Variants in CLIC4 observed in about 807,000 individuals in gnomAD.
CLIC4 encodes the protein chloride intracellular channel protein 4.
A neutral mutation model predicts 24.6 loss-of-function variants in CLIC4; 13 were observed. The ratio of observed to expected loss-of-function variants is 0.53; its 90% CI spans 0.34 to 0.84. The LOEUF is 0.84. CLIC4 is among the 40% of genes least tolerant of loss of function. The pLI is 0.01. For missense variants in CLIC4, 227 were observed against 301.7 expected (o/e 0.75, Z 1.83); for synonymous variants, 104 against 111.3 (o/e 0.93, Z 0.41).
chr1:24,809,033 G>T (rs1194005712), intron 2 of CLIC4, among the ~76,000 whole-genome samples: 1 of 152,104 alleles, frequency 6.6e-6, no homozygotes, highest in Non-Finnish European at 1.5e-5. Context: ...CTGAACCCAT[G>T]AATAAGGAGG....
At chr1:24,837,788 C>T (rs778904262) in intron 4 of CLIC4, among the ~76,000 whole-genome samples, 3 of 152,154 alleles carry the variant, frequency 2.0e-5, no homozygotes, top group Non-Finnish European at 4.4e-5. Context: ...ACCAGGCAGG[C>T]GGATCACTTG....
intron 1 of CLIC4, among the ~76,000 whole-genome samples, chr1:24,785,591 C>T (rs566199324): frequency 5.3e-5 from 8 of 152,236 alleles, no homozygotes; most frequent in African/African-American, 1.2e-4. Context: ...CGGCGGCTCA[C>T]GCCTGTAGTC....
chr1:24,782,629 A>C (rs898429470), intron 1 of CLIC4, among the ~76,000 whole-genome samples: 3 of 152,180 alleles, frequency 2.0e-5, no homozygotes, highest in Non-Finnish European at 4.4e-5. Context: ...CTGAAGTGGA[A>C]ACTAGATTAA....
chr1:24,823,761 C>G (rs1639758713), intron 3 of CLIC4, among the ~76,000 whole-genome samples: 1 of 80,754 alleles, frequency 1.2e-5, no homozygotes, highest in Non-Finnish European at 2.4e-5. Flanking sequence ...ACAATAAGAG[C>G]AAAACTCTGT....
intron 3 of CLIC4, among the ~76,000 whole-genome samples, chr1:24,815,669 A>G (rs1297286946): frequency 1.3e-5 from 2 of 152,158 alleles, no homozygotes; most frequent in African/African-American, 4.8e-5. Flanking sequence ...GATAACAATG[A>G]ATTTTTCTAC....
In CLIC4 at chr1:24,831,123, G is replaced by A. The variant is rs926491604; in HGVS notation, c.415+4007G>A. On this transcript the variant is annotated intron_variant, in intron 4 of 5. Coordinates refer to ENST00000374379, the MANE Select transcript of CLIC4 (RefSeq NM_013943.3). Reference sequence around the variant, plus strand: ...TTAACTATGAAAAATTACTAACACCGTAGTCAGGTATAGCAATTCGACTTC... The same window carrying A: ...TTAACTATGAAAAATTACTAACACCATAGTCAGGTATAGCAATTCGACTTC... Among the ~76,000 whole-genome samples, 8 of 152,100 alleles carry A rather than the reference G, an allele frequency of 5.3e-5. No homozygotes were observed. The East Asian group carries it at 1.2e-3, about 22-fold the overall frequency.
In CLIC4 at chr1:24,764,656, G is replaced by A. The variant is rs1638970641; in HGVS notation, c.72+19031G>A. On this transcript the variant is annotated intron_variant, in intron 1 of 5. Transcript: ENST00000374379. ...GCGACAGAGCAAGACCCTATCTCAA[G>A]GGAAAAAAAAAAAAATTCATACTCT... Among the ~76,000 whole-genome samples, 4 of 149,854 alleles carry A rather than the reference G, an allele frequency of 2.7e-5. No homozygotes were observed. In the South Asian group the frequency reaches 8.4e-4, roughly 31 times the overall value.
At chr1:24,812,474 C>G (rs1639623623) in intron 2 of CLIC4, among the ~76,000 whole-genome samples, 2 of 152,054 alleles carry the variant, frequency 1.3e-5, no homozygotes, top group South Asian at 4.2e-4. Context: ...CATGACTTAC[C>G]CATCTTTACA....
chr1:24,815,363 G>C (rs182689351), intron 3 of CLIC4, among the ~76,000 whole-genome samples: 5 of 152,088 alleles, frequency 3.3e-5, no homozygotes, highest in African/African-American at 1.2e-4. Flanking sequence ...TTAGCTGGGC[G>C]TGGTGGCAGG....
chr1:24,773,316 A>G (rs775252878), intron 1 of CLIC4, among the ~76,000 whole-genome samples: 10 of 152,168 alleles, frequency 6.6e-5, no homozygotes, highest in Non-Finnish European at 1.3e-4. Flanking sequence ...TTAAGCATAG[A>G]TGGGGAAGAA....
intron 1 of CLIC4, among the ~76,000 whole-genome samples, chr1:24,792,639 A>G (rs1489090299): frequency 6.6e-6 from 1 of 152,154 alleles, no homozygotes; most frequent in Non-Finnish European, 1.5e-5. Context: ...AGTGGTTAGT[A>G]AAAAAGGGAC....
chr1:24,823,073 T>G (rs1639751164), intron 3 of CLIC4, among the ~76,000 whole-genome samples: 1 of 152,194 alleles, frequency 6.6e-6, no homozygotes, highest in Non-Finnish European at 1.5e-5. Context: ...AATCTAGCAT[T>G]TCTAATAACA....
intron 2 of CLIC4, 67 bp from the exon 3 acceptor site, chr1:24,814,027 A>C: frequency 6.3e-7 from 1 of 1,598,092 alleles, no homozygotes; most frequent in Non-Finnish European, 8.6e-7. Context: ...AACTTTGAGA[A>C]TTTAAAGTAT....
chr1:24,775,090 T>G (rs1557799395), intron 1 of CLIC4, among the ~76,000 whole-genome samples: 1 of 151,612 alleles, frequency 6.6e-6, no homozygotes, highest in Non-Finnish European at 1.5e-5. Context: ...AAAAAGAAAG[T>G]GATTCCATGT....
chr1:24,839,500 C>T (rs1040816632), intron 4 of CLIC4, among the ~76,000 whole-genome samples: 10 of 152,132 alleles, frequency 6.6e-5, no homozygotes, highest in South Asian at 2.1e-4. Flanking sequence ...GAGGTTTCAC[C>T]GTGTTAGCCA....
chr1:24,823,546 G>A (rs1003798703), intron 3 of CLIC4, among the ~76,000 whole-genome samples: 6 of 152,042 alleles, frequency 3.9e-5, no homozygotes, highest in African/African-American at 1.2e-4. Context: ...AGGCCAAGGC[G>A]GGTGGATCAT....
At chr1:24,816,470 T>G (rs1639670269) in intron 3 of CLIC4, among the ~76,000 whole-genome samples, 1 of 152,226 alleles carries the variant, frequency 6.6e-6, no homozygotes, top group Admixed American at 6.5e-5. Context: ...CTTGAACTCC[T>G]GACCTCAGAT....
At chr1:24,798,804 C>T (rs1347702534) in intron 2 of CLIC4, among the ~76,000 whole-genome samples, 5 of 152,056 alleles carry the variant, frequency 3.3e-5, no homozygotes, top group South Asian at 2.1e-4. Context: ...TGCAGGCACG[C>T]GCCGCCACGC....
intron 1 of CLIC4, among the ~76,000 whole-genome samples, chr1:24,763,632 A>T (rs1638957471): frequency 6.6e-6 from 1 of 150,948 alleles, no homozygotes; most frequent in African/African-American, 2.4e-5. Context: ...GGACAAATTT[A>T]TCTCCTACTT....
Sources: allele counts gnomAD v4.1 joint callset (sites outside exome capture counted in the v4.1 genomes callset), GRCh38; gene constraint gnomAD v4.1.1; transcripts MANE v1.5; gene names NCBI Gene and HGNC (gene_info 2026-07-23, HGNC 2026-07-21).